The following RASAL2 variants were observed in gnomAD, a reference collection of about 807,000 sequenced individuals.
The protein encoded by RASAL2 is RAS protein activator like 2.
In RASAL2, 58 loss-of-function variants were observed where a neutral mutation model predicts 128.9. That is an observed-to-expected ratio of 0.45 (90% CI 0.36 to 0.56). The LOEUF is 0.56. Among genes scored for constraint, RASAL2 ranks in the 20% least tolerant of loss-of-function variants. The pLI is 0.00. For missense variants in RASAL2, 1,360 were observed against 1,601.6 expected, an observed-to-expected ratio of 0.85 and a Z score of 2.57; for synonymous variants, 561 against 580.8, an observed-to-expected ratio of 0.97 and a Z score of 0.49.
intron 1 of RASAL2, among the ~76,000 whole-genome samples, chr1:178,250,200 C>G (rs960459221): frequency 6.6e-6 from 1 of 152,196 alleles, no homozygotes; most frequent in Admixed American, 6.5e-5. Flanking sequence ...CCAGGGTGCT[C>G]TGTCCCAGGG....
chr1:178,139,732 C>T (rs931088874), intron 1 of RASAL2, among the ~76,000 whole-genome samples: 4 of 150,646 alleles, frequency 2.7e-5, no homozygotes, highest in African/African-American at 7.3e-5. Context: ...TTTTTTTTAA[C>T]GTGGATTTTT....
chr1:178,435,521 A>C (rs1254656792), intron 5 of RASAL2, among the ~76,000 whole-genome samples: 1 of 152,122 alleles, frequency 6.6e-6, no homozygotes, highest in Non-Finnish European at 1.5e-5. Context: ...TTAGTGAGTA[A>C]TAGAAAGCCT....
chr1:178,415,924 T>G (rs758566942), intron 4 of RASAL2, among the ~76,000 whole-genome samples: 14 of 152,106 alleles, frequency 9.2e-5, no homozygotes, highest in Non-Finnish European at 1.5e-4. Flanking sequence ...TTTCCATCCA[T>G]TTACTATTAA....
chr1:178,312,162 A>G (rs1668286532), intron 3 of RASAL2, among the ~76,000 whole-genome samples: 1 of 152,142 alleles, frequency 6.6e-6, no homozygotes, highest in East Asian at 1.9e-4. Flanking sequence ...CTAGCAAAAT[A>G]ATTTCAGGAA....
chr1:178,124,683 T>TA (rs1659835101), intron 1 of RASAL2, among the ~76,000 whole-genome samples: 2 of 152,322 alleles, frequency 1.3e-5, no homozygotes, highest in South Asian at 4.1e-4. Context: ...GTAAGATTTT[T>TA]AATAAGAAAA....
intron 3 of RASAL2, among the ~76,000 whole-genome samples, chr1:178,359,359 A>G (rs1421761362): frequency 6.6e-6 from 1 of 152,184 alleles, no homozygotes; most frequent in Non-Finnish European, 1.5e-5. Flanking sequence ...ATGATGTTGT[A>G]TTAAAATATT....
chr1:178,318,555 C>G (rs556953327), intron 3 of RASAL2, among the ~76,000 whole-genome samples: 114 of 150,026 alleles, frequency 7.6e-4, no homozygotes, highest in Admixed American at 5.6e-3. Flanking sequence ...TAATGGCCTT[C>G]TTTGTCTCTT....
chr1:178,130,519 C>T (rs538403410), intron 1 of RASAL2, among the ~76,000 whole-genome samples: 1 of 151,940 alleles, frequency 6.6e-6, no homozygotes, highest in Non-Finnish European at 1.5e-5. Context: ...ATATTGTGTA[C>T]AAGTTAGTTC....
At chr1:178,143,798 T>G (rs944439956) in intron 1 of RASAL2, among the ~76,000 whole-genome samples, 5 of 151,520 alleles carry the variant, frequency 3.3e-5, no homozygotes, top group Non-Finnish European at 7.4e-5. Context: ...GTATTACTTA[T>G]ACAATTAAAA....
chr1:178,333,792 T>G (rs1395696222), intron 3 of RASAL2, among the ~76,000 whole-genome samples: 1 of 152,226 alleles, frequency 6.6e-6, no homozygotes, highest in Non-Finnish European at 1.5e-5. Context: ...TTCTTAGAAT[T>G]ACTTCTCTAC....
chr1:178,120,118 C>T (rs566865537), intron 1 of RASAL2, among the ~76,000 whole-genome samples: 8 of 152,262 alleles, frequency 5.3e-5, no homozygotes, highest in African/African-American at 9.6e-5. Flanking sequence ...TGTGTTTTAA[C>T]GCAGGGCGCT....
chr1:178,256,573 A>G (rs1215784616), intron 1 of RASAL2, among the ~76,000 whole-genome samples: 1 of 152,230 alleles, frequency 6.6e-6, no homozygotes, highest in Admixed American at 6.5e-5. Context: ...TGCAAGTGAT[A>G]TGTTCACATG....
At chr1:178,236,291 A>C (rs1442086846) in intron 1 of RASAL2, among the ~76,000 whole-genome samples, 1 of 152,174 alleles carries the variant, frequency 6.6e-6, no homozygotes, top group Non-Finnish European at 1.5e-5. Flanking sequence ...TCTCTTCATA[A>C]GTATATACTA....
intron 16 of RASAL2, among the ~76,000 whole-genome samples, chr1:178,466,750 A>T (rs1325446501): frequency 1.3e-5 from 2 of 152,246 alleles, no homozygotes; most frequent in Non-Finnish European, 2.9e-5. Flanking sequence ...TCCAGATTCC[A>T]TGCTCATAAC....
chr1:178,280,828 A>G (rs188156866), intron 1 of RASAL2, among the ~76,000 whole-genome samples: 2 of 152,202 alleles, frequency 1.3e-5, no homozygotes, highest in African/African-American at 4.8e-5. Flanking sequence ...GATACTAAAA[A>G]TAATTGGAAG....
intron 1 of RASAL2, among the ~76,000 whole-genome samples, chr1:178,176,427 C>T (rs538206240): frequency 6.8e-6 from 1 of 147,232 alleles, no homozygotes; most frequent in Non-Finnish European, 1.5e-5. Context: ...CTTGCTGATT[C>T]AAGTTGTTTG....
At chr1:178,256,231 A>G (rs960276246) in intron 1 of RASAL2, among the ~76,000 whole-genome samples, 1 of 152,316 alleles carries the variant, frequency 6.6e-6, no homozygotes, top group Middle Eastern at 3.4e-3. Flanking sequence ...GTAATATATC[A>G]TATTAATAGA....
chr1:178,192,584 T>C (rs906158558), intron 1 of RASAL2, among the ~76,000 whole-genome samples: 2 of 152,132 alleles, frequency 1.3e-5, no homozygotes, highest in Non-Finnish European at 2.9e-5. Flanking sequence ...TGTGTGTATA[T>C]ACACACACAC....
intron 10 of RASAL2, 72 bp downstream of exon 10, chr1:178,451,787 A>G (rs954135825): frequency 2.0e-6 from 3 of 1,494,428 alleles, no homozygotes; most frequent in Non-Finnish European, 2.7e-6. Flanking sequence ...ACATTTTTTC[A>G]TGTAAAAGTC....
Sources: allele counts gnomAD v4.1 joint callset (sites outside exome capture counted in the v4.1 genomes callset), GRCh38; gene constraint gnomAD v4.1.1; transcripts MANE v1.5; gene names NCBI Gene and HGNC (gene_info 2026-07-23, HGNC 2026-07-21).